Variants in CTNNA2 observed in about 807,000 individuals in gnomAD.
CTNNA2 encodes catenin alpha 2.
A neutral mutation model predicts 101.0 loss-of-function variants in CTNNA2; 42 were observed. The ratio of observed to expected loss-of-function variants is 0.42; its 90% CI spans 0.32 to 0.54. The LOEUF is 0.54. Among genes scored for constraint, CTNNA2 ranks in the 20% least tolerant of loss-of-function variants. CTNNA2 has a pLI of 0.14. For synonymous variants in CTNNA2, 450 were observed against 456.4 expected (o/e 0.99, Z 0.18); for missense variants, 871 against 1,223.1 (o/e 0.71, Z 4.29).
intron 7 of CTNNA2, among the ~76,000 whole-genome samples, chr2:80,146,260 C>T (rs1703327147): frequency 6.6e-6 from 1 of 152,176 alleles, no homozygotes; most frequent in Non-Finnish European, 1.5e-5. Context: ...TTAGCTGTCC[C>T]TGGCGAACTC....
At position 79,969,594 on chromosome 2, in the gene CTNNA2, C is replaced by T. The variant is rs369118756; in HGVS notation, c.1056+59797C>T. Among the ~76,000 whole-genome samples, 13 of 152,230 alleles carry T rather than the reference C, an allele frequency of 8.5e-5. No individual in the cohort carries two copies. The East Asian group carries it at 1.7e-3, about 20-fold the overall frequency. On this transcript the variant is annotated intron_variant, in intron 7 of 18. Coordinates refer to ENST00000402739, the MANE Select transcript of CTNNA2 (RefSeq NM_001282597.3). ...TTGAGAGAAGAACAGAAGTAAACTA[C>T]CTGTATATGAGAACTTAAGGAGACC... is the stretch of plus-strand genomic sequence containing the variant.
chr2:79,967,351 C>G (rs372798396), intron 7 of CTNNA2, among the ~76,000 whole-genome samples: 8 of 152,080 alleles, frequency 5.3e-5, no homozygotes, highest in African/African-American at 1.2e-4. Context: ...ACCTCACATT[C>G]AATGCACCTG....
At chr2:79,818,505 C>T (rs537309453) in intron 3 of CTNNA2, among the ~76,000 whole-genome samples, 127 of 151,002 alleles carry the variant, frequency 8.4e-4, no homozygotes, top group Non-Finnish European at 1.4e-3. Context: ...TTAGTAGAGA[C>T]GGGGTTTCAC....
Position 80,589,600 on chromosome 2 carries a change from G to A in CTNNA2, c.2189+115G>A. On this transcript the variant is annotated intron_variant, in intron 15 of 18. Coordinates refer to ENST00000402739, the MANE Select transcript of CTNNA2 (RefSeq NM_001282597.3). ...TTAAAATATACCAACGCAAGGTGGT[G>A]GTATTATAAATTTACATGTATAAGT... 3.2e-6 allele frequency: 3 copies of A among 939,048 alleles called. No individual in the cohort carries two copies. In the East Asian group the frequency reaches 8.0e-5, roughly 25 times the overall value. 58.2% of individuals were successfully genotyped at this position (939,048 alleles called of 1,614,324 possible).
chr2:79,458,431 A>C (rs1422350927), intron 4 of CTNNA2, among the ~76,000 whole-genome samples: 1 of 152,160 alleles, frequency 6.6e-6, no homozygotes, highest in African/African-American at 2.4e-5. Flanking sequence ...TCTCCTGGGC[A>C]GTAGTTTTGC....
At chr2:80,089,455 G>T (rs1414656025) in intron 7 of CTNNA2, among the ~76,000 whole-genome samples, 1 of 151,710 alleles carries the variant, frequency 6.6e-6, no homozygotes, top group Non-Finnish European at 1.5e-5. Flanking sequence ...CATTTTGGGG[G>T]TTCTCTGGCC....
chr2:79,755,504 C>T (rs1440668273), intron 3 of CTNNA2, among the ~76,000 whole-genome samples: 1 of 152,148 alleles, frequency 6.6e-6, no homozygotes, highest in East Asian at 1.9e-4. Flanking sequence ...GGCTTCTCCT[C>T]CCCTTCCTTA....
chr2:79,217,741 C>A (rs1674285122), intron 2 of CTNNA2, among the ~76,000 whole-genome samples: 1 of 152,164 alleles, frequency 6.6e-6, no homozygotes, highest in Non-Finnish European at 1.5e-5. Flanking sequence ...GAAATCAAAG[C>A]CTATGACACC....
chr2:79,527,134 A>T (rs1041694140), intron 1 of CTNNA2, among the ~76,000 whole-genome samples: 3 of 152,162 alleles, frequency 2.0e-5, no homozygotes, highest in Admixed American at 2.0e-4. Flanking sequence ...CCAAATTTAT[A>T]AAGAACCATA....
chr2:80,219,001 T>C (rs539100907), intron 7 of CTNNA2, among the ~76,000 whole-genome samples: 1 of 152,278 alleles, frequency 6.6e-6, no homozygotes, highest in Admixed American at 6.5e-5. Context: ...CAGAATATAA[T>C]CACCTGTGTA....
intron 18 of CTNNA2, among the ~76,000 whole-genome samples, chr2:80,620,445 A>G (rs1671001441): frequency 6.6e-6 from 1 of 151,868 alleles, no homozygotes; most frequent in African/African-American, 2.4e-5. Context: ...TGCCCTCTTT[A>G]GTACCCTGGG....
chr2:79,978,037 A>C (rs1346121187), intron 7 of CTNNA2, among the ~76,000 whole-genome samples: 1 of 152,110 alleles, frequency 6.6e-6, no homozygotes, highest in Non-Finnish European at 1.5e-5. Context: ...CCAAATGCAA[A>C]ATCTACTTTG....
At chr2:79,194,177 A>G (rs1360184174) in intron 1 of CTNNA2, among the ~76,000 whole-genome samples, 7 of 152,192 alleles carry the variant, frequency 4.6e-5, no homozygotes, top group Admixed American at 2.0e-4. Flanking sequence ...TATTCAGCTG[A>G]TATTTCTAAG....
intron 2 of CTNNA2, among the ~76,000 whole-genome samples, chr2:79,240,132 T>G (rs1054093160): frequency 5.9e-5 from 9 of 151,862 alleles, no homozygotes; most frequent in African/African-American, 2.2e-4. Flanking sequence ...GGTCTCGAAC[T>G]CCCAGCCTCA....
chr2:79,464,626 C>A (rs1054837724), intron 4 of CTNNA2, among the ~76,000 whole-genome samples: 31 of 152,118 alleles, frequency 2.0e-4, no homozygotes, highest in African/African-American at 6.3e-4. Context: ...CCTATTTCTC[C>A]ACATCCTCTC....
chr2:79,492,100 G>A lies in CTNNA2; in HGVS notation c.-134-12954G>A, dbSNP rs1196663215. Among the ~76,000 whole-genome samples the A allele has an allele frequency of 3.3e-5, 5 of 151,924 alleles. No individual in the cohort carries two copies. The East Asian group carries it at 9.6e-4, about 29-fold the overall frequency. Reference sequence around the variant, plus strand: ...TGTAGTAATATTTTGTGCTTAAATAGTACCTGTTAATTGATATTGTATGTA... The same window carrying A: ...TGTAGTAATATTTTGTGCTTAAATAATACCTGTTAATTGATATTGTATGTA... On this transcript the variant is annotated intron_variant, in intron 4 of 21. Transcript: ENST00000466387.
chr2:80,382,444 C>A (rs2149350847), intron 7 of CTNNA2, among the ~76,000 whole-genome samples: 1 of 152,134 alleles, frequency 6.6e-6, no homozygotes, highest in South Asian at 2.1e-4. Flanking sequence ...TACCGTCTGA[C>A]ATCGGAAATT....
intron 7 of CTNNA2, among the ~76,000 whole-genome samples, chr2:79,977,110 G>C (rs1287428635): frequency 6.6e-6 from 1 of 152,026 alleles, no homozygotes; most frequent in Non-Finnish European, 1.5e-5. Flanking sequence ...TGTATTAATA[G>C]GATAGTCTTA....
At chr2:80,559,416 T>C (rs1305088374) in intron 12 of CTNNA2, among the ~76,000 whole-genome samples, 1 of 152,192 alleles carries the variant, frequency 6.6e-6, no homozygotes, top group Non-Finnish European at 1.5e-5. Context: ...ACCACTTGGC[T>C]GCCCTCGCTG....
Sources: allele counts gnomAD v4.1 joint callset (sites outside exome capture counted in the v4.1 genomes callset), GRCh38; gene constraint gnomAD v4.1.1; transcripts MANE v1.5; gene names NCBI Gene and HGNC (gene_info 2026-07-23, HGNC 2026-07-21).